The following ADH6 variants were observed in gnomAD, a reference collection of about 807,000 sequenced individuals.
The protein encoded by ADH6 is alcohol dehydrogenase 6.
A neutral mutation model predicts 36.5 loss-of-function variants in ADH6; 34 were observed. The ratio of observed to expected loss-of-function variants is 0.93; its 90% CI spans 0.71 to 1.24. The LOEUF is 1.24. Among genes scored for constraint, ADH6 ranks in the 50% most tolerant of loss-of-function variants. The pLI, the probability that ADH6 is intolerant of heterozygous loss-of-function variation, is 0.00. For missense variants in ADH6, 440 were observed against 447.0 expected, an observed-to-expected ratio of 0.98 and a Z score of 0.14; for synonymous variants, 161 against 155.5, an observed-to-expected ratio of 1.04 and a Z score of -0.26.
At chr4:99,211,996 G>A (rs1007074280) in intron 3 of ADH6, among the ~76,000 whole-genome samples, 3 of 152,138 alleles carry the variant, frequency 2.0e-5, no homozygotes, top group Admixed American at 6.6e-5. Context: ...ACCTTGAAAC[G>A]TGAGCAGAAA....
intron 5 of ADH6, among the ~76,000 whole-genome samples, 181 bp from the exon 6 acceptor site, chr4:99,209,109 T>C (rs1731137344): frequency 6.6e-6 from 1 of 152,190 alleles, no homozygotes; most frequent in African/African-American, 2.4e-5. Context: ...TTTCTAGATA[T>C]GGAATACTCT....
rs1730923223 is a variant in ADH6, at chr4:99,203,466, G to A, written c.*753C>T. The A allele has an allele frequency of 2.0e-5, 3 of 152,014 alleles. No homozygotes were observed. The South Asian group carries it at 6.2e-4, about 32-fold the overall frequency. The allele number at this position is 152,014 out of a possible 1,614,324, so 9.4% of individuals were successfully genotyped here. ...CTCCATGGAACACATTAGTAAGAAA[G>A]TATACAATTATTCCTGTTTTATGTG... On this transcript the variant is annotated 3_prime_UTR_variant, in exon 9 of 9. Transcript: ENST00000394899.
intron 3 of ADH6, among the ~76,000 whole-genome samples, chr4:99,212,074 C>T (rs1347000221): frequency 6.6e-6 from 1 of 152,030 alleles, no homozygotes; most frequent in African/African-American, 2.4e-5. Context: ...TTGTTTTAAA[C>T]TGTTATATTT....
intron 1 of ADH6, among the ~76,000 whole-genome samples, chr4:99,217,064 C>G (rs1486449357): frequency 6.6e-6 from 1 of 152,074 alleles, no homozygotes. Flanking sequence ...GAGATGGAGT[C>G]TCACTCTGTT....
At position 99,207,597 on chromosome 4, in the gene ADH6, G is replaced by A. The variant is rs1220755909; in HGVS notation, c.829-16C>T. On this transcript the variant is annotated splice_polypyrimidine_tract_variant and intron_variant, in intron 6 of 8. Transcript: ENST00000394899. ...GGGCAGCTGCCTGTTAGAAAGTGAT[G>A]CAATACAGTATAGGGGTTAAAAGAT... 2.5e-6 allele frequency: 4 copies of A among 1,611,402 alleles called. No homozygotes were observed. Among genetic ancestry groups the A allele is most frequent in the East Asian group, 2.2e-5 (1 of 44,798 alleles).
intron 1 of ADH6, among the ~76,000 whole-genome samples, chr4:99,217,360 C>A (rs550973117): frequency 6.6e-6 from 1 of 152,140 alleles, no homozygotes; most frequent in African/African-American, 2.4e-5. Context: ...TCACCCACTT[C>A]TCATCATCCT....
intron 3 of ADH6, among the ~76,000 whole-genome samples, chr4:99,212,869 G>A (rs929999588): frequency 3.3e-5 from 5 of 149,848 alleles, no homozygotes; most frequent in African/African-American, 1.2e-4. Flanking sequence ...TGACTTTTGG[G>A]GTTTTTTTTA....
In ADH6 at chr4:99,208,786, C is replaced by T. The variant is rs776906718; in HGVS notation, c.710G>A (p.Gly237Asp). ...KEKFKKAQEL[G>D]ATECLNPQDL... ...CTGAGGGTTGAGGCACTCAGTAGCA[C>T]CCAATTCCTGTGCCTTCTTAAATTT... The change falls in exon 6 of 9, where the codon GGT (glycine) becomes GAT (aspartate). Residue 237 changes from glycine (G) to aspartate (D), a missense_variant. Gly to Asp is a moderately conservative substitution (Grantham distance 94, BLOSUM62 -1). Coordinates refer to ENST00000394899, the MANE Select transcript of ADH6 (RefSeq NM_001102470.2). 30 of 1,613,640 alleles carry T rather than the reference C, an allele frequency of 1.9e-5. No homozygotes were observed. In the Admixed American group the frequency reaches 3.2e-4, roughly 17 times the overall value.
rs758084136 is a variant in ADH6 at position 99,207,489 on chromosome 4, C to T, written c.921G>A (p.Gln307=). The change falls in exon 7 of 9, where the codon CAG becomes CAA. Residue 307 remains glutamine, a synonymous_variant. Coordinates refer to ENST00000394899, the MANE Select transcript of ADH6 (RefSeq NM_001102470.2). ...TCAAAGAACGTCCTGAGAAGAACAA[C>T]TGGCCACTGATTTTGAGTTGAACAC... ...PASVQLKISG[Q]LFFSGRSLKG... 1.2e-6 allele frequency: 2 copies of T among 1,613,646 alleles called. No homozygotes were observed. Among genetic ancestry groups the T allele is most frequent in the South Asian group, 1.1e-5 (1 of 91,068 alleles).
rs1454629613 is a variant in ADH6 at position 99,219,216 on chromosome 4, T to C, written c.-64A>G. 12 of 1,476,670 alleles carry C rather than the reference T, an allele frequency of 8.1e-6. No homozygotes were observed. In the East Asian group the frequency reaches 1.1e-4, roughly 14 times the overall value. The allele number at this position is 1,476,670 out of a possible 1,614,324, so 91.5% of individuals were successfully genotyped here. On this transcript the variant is annotated 5_prime_UTR_variant, in exon 1 of 9. Transcript: ENST00000394899. ...GGAGATCCTGTAGCAACTTTCACTG[T>C]AGAAAGTACAAAGGTACACAGGCGA...
In ADH6 at chr4:99,213,612, T is replaced by G. The variant is rs1731301079; in HGVS notation, c.256A>C (p.Lys86Gln). The G allele has an allele frequency of 6.2e-7, 1 of 1,603,466 alleles. No homozygotes were observed. The highest frequency in any genetic ancestry group is 1.3e-5 in the African/African-American group (1 of 74,448). ...ESIGEGVSTV[K>Q]PGDKVITLFL... ...ACCAGGTGCTAATTCCTACCTGGTT[T>G]CACTGTGCTTACTCCTTCTCCAATA... The change falls in exon 3 of 9, where the codon AAA (lysine) becomes CAA (glutamine). Residue 86 changes from lysine to glutamine, a missense_variant. Physicochemically the swap from Lys to Gln is moderately conservative, Grantham distance 53 (BLOSUM62 1). Coordinates refer to ENST00000394899, the MANE Select transcript of ADH6 (RefSeq NM_001102470.2).
intron 6 of ADH6, among the ~76,000 whole-genome samples, chr4:99,208,249 C>A (rs1731105152): frequency 6.6e-6 from 1 of 152,104 alleles, no homozygotes; most frequent in African/African-American, 2.4e-5. Flanking sequence ...CCCTCACTTT[C>A]TATTCTTTTA....
chr4:99,210,499 T>C lies in ADH6; in HGVS notation c.266A>G (p.Asp89Gly). The change falls in exon 4 of 9, where the codon GAC becomes GGC. Residue 89 changes from aspartate to glycine, a missense_variant. Coordinates refer to ENST00000394899, the MANE Select transcript of ADH6 (RefSeq NM_001102470.2). ...TGGCAGAAAGAGTGTGATAACTTTG[T>C]CACCTAAAAGAGCAAAATCATGTCT... ...GEGVSTVKPG[D>G]KVITLFLPQC... 1 of 1,608,692 alleles carries C rather than the reference T, an allele frequency of 6.2e-7. No individual in the cohort carries two copies. Among genetic ancestry groups the C allele is most frequent in the Non-Finnish European group, 8.5e-7 (1 of 1,177,080 alleles).
chr4:99,215,269 TG>T (rs1456842881), intron 2 of ADH6, among the ~76,000 whole-genome samples: 2 of 152,240 alleles, frequency 1.3e-5, no homozygotes, highest in African/African-American at 4.8e-5. Context: ...GCAGATGAGA[TG>T]ACTTAGAAAA....
At chr4:99,213,778 C>T (rs1185268054) in intron 2 of ADH6, 31 bp from the exon 3 acceptor site, 3 of 1,532,290 alleles carry the variant, frequency 2.0e-6, no homozygotes, top group Admixed American at 2.1e-5. Context: ...ACTGCAGTTC[C>T]CGCTGTTTCA....
Position 99,216,223 on chromosome 4 carries a change from C to T in ADH6, c.58G>A (p.Ala20Thr), listed in dbSNP as rs1341807927. 1.3e-6 allele frequency: 2 copies of T among 1,583,326 alleles called. No homozygotes were observed. The highest frequency in any genetic ancestry group is 2.3e-5 in the East Asian group (1 of 43,532). Reference sequence around the variant, plus strand: ...TCTACCTCTTCAATAGAAAATGGTGCACCAGGCTTCCAGAGTATGGCTGCT... The same window carrying T: ...TCTACCTCTTCAATAGAAAATGGTGTACCAGGCTTCCAGAGTATGGCTGCT... ...CKAAILWKPG[A>T]PFSIEEVEVA... Residue 20 changes from alanine (A) to threonine (T), a missense_variant, in exon 2 of 9, where the codon GCA becomes ACA. Physicochemically the swap from Ala to Thr is moderately conservative, Grantham distance 58 (BLOSUM62 0). Transcript: ENST00000394899.
chr4:99,210,604 A>G, intron 3 of ADH6, 102 bp from the exon 4 acceptor site: 2 of 841,252 alleles, frequency 2.4e-6, no homozygotes, highest in East Asian at 2.6e-5. Flanking sequence ...AAGAAATGAC[A>G]GCTGAAAATT....
chr4:99,208,886 C>A lies in ADH6; in HGVS notation c.610G>T (p.Val204Phe). ...STCAVFGLGG[V>F]GLSVVMGCKA... ...CAACCCATGACAACAGACAAGCCGA[C>A]TCCTCCCAGGCCAAACACAGCACAG... The change falls in exon 6 of 9, where the codon GTC (valine) becomes TTC (phenylalanine). Residue 204 changes from valine to phenylalanine, a missense_variant. Transcript: ENST00000394899. 1 of 1,613,742 alleles carries A rather than the reference C, an allele frequency of 6.2e-7. No homozygotes were observed. The highest frequency in any genetic ancestry group is 8.5e-7 in the Non-Finnish European group (1 of 1,179,748).
chr4:99,209,467 A>T (rs1055884755), intron 5 of ADH6, among the ~76,000 whole-genome samples: 2 of 152,094 alleles, frequency 1.3e-5, no homozygotes, highest in African/African-American at 4.8e-5. Context: ...ACACTGGAAA[A>T]TGCAAAGTTC....
Sources: allele counts gnomAD v4.1 joint callset (sites outside exome capture counted in the v4.1 genomes callset), GRCh38; gene constraint gnomAD v4.1.1; transcripts MANE v1.5; gene names NCBI Gene and HGNC (gene_info 2026-07-23, HGNC 2026-07-21).